Variants in ATP6V0A2 observed in about 807,000 individuals in gnomAD.
ATP6V0A2 encodes the protein V-type proton ATPase 116 kDa subunit a 2.
ATP6V0A2 carries 58 observed loss-of-function variants against 104.4 expected under a neutral mutation model. The observed-to-expected ratio is 0.56, with a 90% confidence interval of 0.45 to 0.69. The LOEUF is 0.69. Among genes scored for constraint, ATP6V0A2 ranks in the 30% least tolerant of loss-of-function variants. ATP6V0A2 has a pLI of 0.00. For synonymous variants in ATP6V0A2, 376 were observed against 397.9 expected (o/e 0.95, Z 0.65); for missense variants, 938 against 1,062.9 (o/e 0.88, Z 1.63).
chr12:123,722,852 C>T (rs942308580), intron 3 of ATP6V0A2, among the ~76,000 whole-genome samples: 2 of 151,952 alleles, frequency 1.3e-5, no homozygotes, highest in African/African-American at 4.8e-5. Context: ...TGTGCCTTCA[C>T]AGTCCTCCCA....
chr12:123,732,157 T>A (rs1272359691), intron 6 of ATP6V0A2: 1 of 152,372 alleles, frequency 6.6e-6, no homozygotes, highest in Non-Finnish European at 1.5e-5. Context: ...CTGCGCAGGC[T>A]GAAAGCCCTG....
intron 6 of ATP6V0A2, among the ~76,000 whole-genome samples, chr12:123,730,052 T>G (rs1409526585): frequency 5.0e-5 from 3 of 60,452 alleles, no homozygotes; most frequent in Non-Finnish European, 9.9e-5. Flanking sequence ...GTCTTTTTTT[T>G]TTTTTTTTTT....
intron 9 of ATP6V0A2, among the ~76,000 whole-genome samples, chr12:123,739,687 A>G (rs1956589804): frequency 6.6e-6 from 1 of 152,208 alleles, no homozygotes; most frequent in Admixed American, 6.5e-5. Context: ...GCTTGCAAGA[A>G]TCATATTCTC....
intron 18 of ATP6V0A2, chr12:123,754,833 T>C: frequency 2.2e-6 from 1 of 448,828 alleles, no homozygotes; most frequent in Admixed American, 3.6e-5. Context: ...TGAGACGGCT[T>C]GGGAGCCTCT....
chr12:123,751,034 G>C, intron 15 of ATP6V0A2, 76 bp from the exon 16 acceptor site: 1 of 1,593,208 alleles, frequency 6.3e-7, no homozygotes, highest in East Asian at 2.2e-5. Context: ...GATCTTTCCT[G>C]ATTTCATCGT....
chr12:123,736,956 C>A, intron 8 of ATP6V0A2, 103 bp from the exon 9 acceptor site: 1 of 1,145,150 alleles, frequency 8.7e-7, no homozygotes, highest in Non-Finnish European at 1.3e-6. Context: ...CTGGAATGAT[C>A]CTCTGTCAAT....
intron 2 of ATP6V0A2, among the ~76,000 whole-genome samples, chr12:123,719,586 C>A (rs545163575): frequency 1.3e-5 from 2 of 151,730 alleles, no homozygotes; most frequent in African/African-American, 2.4e-5. Flanking sequence ...GGGGTTTTAC[C>A]ATGTTGGCCA....
At chr12:123,737,407 A>T in intron 9 of ATP6V0A2, 136 bp downstream of exon 9, 1 of 891,864 alleles carries the variant, frequency 1.1e-6, no homozygotes, top group South Asian at 1.4e-5. Context: ...TGTTTTTTTA[A>T]AATATTAATT....
At position 123,759,817 on chromosome 12, in the gene ATP6V0A2, A is replaced by C. The variant is rs1956793349; in HGVS notation, c.*1785A>C. The C allele has an allele frequency of 1.3e-5, 2 of 152,194 alleles. No individual in the cohort carries two copies. The highest frequency in any genetic ancestry group is 1.3e-4 in the Admixed American group (2 of 15,266). 9.4% of individuals were successfully genotyped at this position (152,194 alleles called of 1,614,324 possible). On this transcript the variant is annotated 3_prime_UTR_variant, in exon 20 of 20. Coordinates refer to ENST00000330342, the MANE Select transcript of ATP6V0A2 (RefSeq NM_012463.4). ...CAGTACAGATTCTGTGTGCTACTTGATGAGATGTTACCCAAGGCCAGTTTG... is the reference window on the plus strand; with the variant it reads ...CAGTACAGATTCTGTGTGCTACTTGCTGAGATGTTACCCAAGGCCAGTTTG...
chr12:123,760,347 T>G lies in ATP6V0A2; in HGVS notation c.*2315T>G, dbSNP rs909238234. Reference sequence around the variant, plus strand: ...CAGAATCCTAACTCTGGGAAAGCGCTCTCTGGAAATGTAGTTTGATAATAG... The same window carrying G: ...CAGAATCCTAACTCTGGGAAAGCGCGCTCTGGAAATGTAGTTTGATAATAG... On this transcript the variant is annotated 3_prime_UTR_variant, in exon 20 of 20. Coordinates refer to ENST00000330342, the MANE Select transcript of ATP6V0A2 (RefSeq NM_012463.4). 3.3e-5 allele frequency: 5 copies of G among 152,198 alleles called. No individual in the cohort carries two copies. Among genetic ancestry groups the G allele is most frequent in the African/African-American group, 1.2e-4 (5 of 41,442 alleles). 9.4% of individuals were successfully genotyped at this position (152,198 alleles called of 1,614,324 possible). A position where few individuals can be genotyped will look rare whatever the true frequency, so the allele number is the denominator to read the frequency against.
intron 9 of ATP6V0A2, among the ~76,000 whole-genome samples, chr12:123,742,424 G>A (rs769269509): frequency 1.3e-5 from 2 of 152,148 alleles, no homozygotes; most frequent in Non-Finnish European, 2.9e-5. Flanking sequence ...AATGCCATCC[G>A]TAGGCTTTAG....
At chr12:123,737,456 C>T in intron 9 of ATP6V0A2, 185 bp downstream of exon 9, 1 of 656,524 alleles carries the variant, frequency 1.5e-6, no homozygotes, top group South Asian at 1.7e-5. Flanking sequence ...GCTGTGTTGC[C>T]CAGGCTGGTC....
intron 8 of ATP6V0A2, among the ~76,000 whole-genome samples, chr12:123,736,095 A>G (rs1050243172): frequency 6.6e-6 from 1 of 151,618 alleles, no homozygotes; most frequent in Non-Finnish European, 1.5e-5. Flanking sequence ...CTGGTCTAAA[A>G]TTCCTGACCT....
chr12:123,737,249 G>T lies in ATP6V0A2; in HGVS notation c.1016G>T (p.Arg339Leu), dbSNP rs74922060. 1.2e-6 allele frequency: 2 copies of T among 1,613,994 alleles called. No individual in the cohort carries two copies. Among genetic ancestry groups the T allele is most frequent in the South Asian group, 1.1e-5 (1 of 91,082 alleles). Residue 339 changes from arginine (R) to leucine (L), a missense_variant, in exon 9 of 20, where the codon CGC (arginine) becomes CTC (leucine). Arg to Leu is a moderately radical substitution (Grantham distance 102, BLOSUM62 -2). Transcript: ENST00000330342. ...CCCGAGGCGGATCTGCAGGACCTGC[G>T]CCGGGCACTGGAGGAGGGCTCGGTA... Reference protein sequence around the residue: ...WCPEADLQDLRRALEEGSRES... With the variant: ...WCPEADLQDLLRALEEGSRES...
chr12:123,735,694 C>T, intron 8 of ATP6V0A2, 70 bp downstream of exon 8: 1 of 1,251,618 alleles, frequency 8.0e-7, no homozygotes, highest in Non-Finnish European at 1.2e-6. Context: ...TATTTTCTCT[C>T]TTTTTTAACA....
At chr12:123,731,894 G>C (rs971409509) in intron 6 of ATP6V0A2, 1 of 151,904 alleles carries the variant, frequency 6.6e-6, no homozygotes, top group Non-Finnish European at 1.5e-5. Flanking sequence ...CTGTTCCCTG[G>C]GCCCAGGGCT....
chr12:123,712,402 C>G lies in ATP6V0A2; in HGVS notation c.-164C>G, dbSNP rs1010177032. 1 of 380,594 alleles carries G rather than the reference C, an allele frequency of 2.6e-6. No individual in the cohort carries two copies. Among genetic ancestry groups the G allele is most frequent in the East Asian group, 4.3e-5 (1 of 23,102 alleles). 23.6% of individuals were successfully genotyped at this position (380,594 alleles called of 1,614,324 possible). ...GCAGCTGGAGCGGCGGCCGCGGTGG[C>G]AGAACCGGGGGCGGCCGCTGCAGTC... On this transcript the variant is annotated 5_prime_UTR_variant, in exon 1 of 20. Transcript: ENST00000330342.
In ATP6V0A2 at chr12:123,737,275, A is replaced by G. The variant is rs774837993; in HGVS notation, c.1038+4A>G. ...CCGGGCACTGGAGGAGGGCTCGGTA[A>G]GGCTGCCTTCCTCTCCTCTGCCAGG... On this transcript the variant is annotated splice_donor_region_variant and intron_variant, in intron 9 of 19. Transcript: ENST00000330342. 6.2e-7 allele frequency: 1 copy of G among 1,614,162 alleles called. No individual in the cohort carries two copies. Among genetic ancestry groups the G allele is most frequent in the Non-Finnish European group, 8.5e-7 (1 of 1,180,002 alleles).
chr12:123,734,169 C>A (rs1956529405), intron 7 of ATP6V0A2, among the ~76,000 whole-genome samples, 161 bp downstream of exon 7: 2 of 152,198 alleles, frequency 1.3e-5, no homozygotes, highest in Non-Finnish European at 2.9e-5. Flanking sequence ...TTTGTCATCT[C>A]TCTTACCAAT....
Sources: gnomAD v4.1 joint callset for allele counts (sites outside exome capture counted in the v4.1 genomes callset) on GRCh38, gnomAD v4.1.1 for gene constraint, MANE v1.5 for transcripts, NCBI Gene and HGNC (gene_info 2026-07-23, HGNC 2026-07-21) for gene names.